The following TKT variants were observed in gnomAD, a reference collection of about 807,000 sequenced individuals.
TKT encodes epididymis luminal protein 107.
In TKT, 47 loss-of-function variants were observed where a neutral mutation model predicts 63.9. The observed-to-expected ratio is 0.74, with a 90% CI of 0.58 to 0.94. The LOEUF is 0.94. TKT is among the 40% of genes least tolerant of loss of function. The pLI is 0.00. For synonymous variants in TKT, 338 were observed against 334.1 expected (o/e 1.01, Z -0.13); for missense variants, 721 against 846.2 (o/e 0.85, Z 1.84).
Position 53,227,114 on chromosome 3 carries a change from C to G in TKT, c.1574-236G>C, listed in dbSNP as rs79574895. Reference sequence around the variant, plus strand: ...TGTGTTGCCCGCAGTATCCAAGAACCCAGAGCGGAGCGTGCAGGCCCTGAG... The same window carrying G: ...TGTGTTGCCCGCAGTATCCAAGAACGCAGAGCGGAGCGTGCAGGCCCTGAG... On this transcript the variant is annotated intron_variant, in intron 12 of 13. Transcript: ENST00000462138. 8.5e-3 allele frequency: 4,328 copies of G among 509,778 alleles called. 191 individuals are homozygous for G. The highest frequency in any genetic ancestry group is 0.082 in the South Asian group (3,359 of 41,130). 31.6% of individuals were successfully genotyped at this position (509,778 alleles called of 1,614,324 possible).
rs782551224 is a variant in TKT, at chr3:53,234,999, G to A, written c.613C>T (p.Arg205Trp). The change falls in exon 5 of 14, where the codon CGG becomes TGG. Residue 205 changes from arginine to tryptophan, a missense_variant. By Grantham distance (101) the Arg-to-Trp change is moderately radical. Transcript: ENST00000462138. Reference sequence around the variant, plus strand: ...CGTACATACCCGAAGGCCTCGCACCGCTTCTGGTAGATGTCCATCTGGTGC... The same window carrying A: ...CGTACATACCCGAAGGCCTCGCACCACTTCTGGTAGATGTCCATCTGGTGC... ...LQHQMDIYQKRCEAFGWHAII... is the reference protein window; with the variant it reads ...LQHQMDIYQKWCEAFGWHAII... The A allele has an allele frequency of 1.5e-5, 25 of 1,613,250 alleles. No homozygotes were observed. The highest frequency in any genetic ancestry group is 9.3e-5 in the African/African-American group (7 of 74,934).
intron 5 of TKT, chr3:53,234,342 G>A: frequency 6.5e-6 from 1 of 152,702 alleles, no homozygotes. Flanking sequence ...CACGGCACCT[G>A]CCCTGCTCCC....
Position 53,241,231 on chromosome 3 carries a change from G to A in TKT, c.240C>T (p.Pro80=). 1.2e-6 allele frequency: 2 copies of A among 1,601,900 alleles called. No homozygotes were observed. Among genetic ancestry groups the A allele is most frequent in the Non-Finnish European group, 1.7e-6 (2 of 1,175,714 alleles). Residue 80 remains proline (P), a synonymous_variant, in exon 3 of 14, where the codon CCC becomes CCT. Transcript: ENST00000462138. Reference sequence around the variant, plus strand: ...CTTCAGCCCAGACCGCGTAGAGGATGGGAGCTGCATGGCCCTGCCGGGAGA... The same window carrying A: ...CTTCAGCCCAGACCGCGTAGAGGATAGGAGCTGCATGGCCCTGCCGGGAGA... ...RFVLSKGHAA[P]ILYAVWAEAG...
Position 53,235,555 on chromosome 3 carries a change from T to C in TKT, c.438-381A>G, listed in dbSNP as rs370076048. The C allele has an allele frequency of 1.1e-4, 18 of 160,008 alleles. No homozygotes were observed. In the East Asian group the frequency reaches 2.5e-3, roughly 22 times the overall value. The allele number at this position is 160,008 out of a possible 1,614,324, so 9.9% of individuals were successfully genotyped here. A position where few individuals can be genotyped will look rare whatever the true frequency, so the allele number is the denominator to read the frequency against. On this transcript the variant is annotated intron_variant, in intron 4 of 13. Coordinates refer to ENST00000462138, the MANE Select transcript of TKT (RefSeq NM_001064.4). The stretch of plus-strand genomic sequence containing the variant: ...ACCTGCTGCAGGGGACAGACCCCGC[T>C]GTGAACCAGAGGTTGGAGGAGGCCT...
At chr3:53,228,976 C>T (rs781931191) in intron 10 of TKT, 31 bp downstream of exon 10, 1 of 1,612,546 alleles carries the variant, frequency 6.2e-7, no homozygotes, top group South Asian at 1.1e-5. Context: ...TGATGGCTGC[C>T]AGCAGGAGAA....
Position 53,249,770 on chromosome 3 carries a change from T to C in TKT, c.107+6066A>G, listed in dbSNP as rs945015421. Among the ~76,000 whole-genome samples, 4 of 152,088 alleles carry C rather than the reference T, an allele frequency of 2.6e-5. No individual in the cohort carries two copies. The East Asian group carries it at 5.8e-4, about 22-fold the overall frequency. On this transcript the variant is annotated intron_variant, in intron 1 of 13. Coordinates refer to ENST00000462138, the MANE Select transcript of TKT (RefSeq NM_001064.4). ...AGCTCCCAGCACATCCTCTCTCCCCTACCTTGCCTCTCCATTCAGGGCAGG... is the reference window on the plus strand; with the variant it reads ...AGCTCCCAGCACATCCTCTCTCCCCCACCTTGCCTCTCCATTCAGGGCAGG...
Position 53,230,606 on chromosome 3 carries a change from C to T in TKT, c.958G>A (p.Ala320Thr). ...KVGDKIATRKAYGQALAKLGH... is the reference protein window; with the variant it reads ...KVGDKIATRKTYGQALAKLGH... ...AGCTTGGCCAGTGCCTGCCCGTAGGCCTTGCGGGTGGCTATCTGTGAGGAA... is the reference window on the plus strand; with the variant it reads ...AGCTTGGCCAGTGCCTGCCCGTAGGTCTTGCGGGTGGCTATCTGTGAGGAA... Residue 320 changes from alanine to threonine, a missense_variant, in exon 8 of 14, where the codon GCC (alanine) becomes ACC (threonine). Transcript: ENST00000462138. 6.2e-7 allele frequency: 1 copy of T among 1,614,200 alleles called. No homozygotes were observed. Among genetic ancestry groups the T allele is most frequent in the Non-Finnish European group, 8.5e-7 (1 of 1,180,034 alleles).
chr3:53,252,605 G>C (rs782798347), intron 1 of TKT, among the ~76,000 whole-genome samples: 2 of 152,060 alleles, frequency 1.3e-5, no homozygotes, highest in East Asian at 1.9e-4. Context: ...TGTAACTCTC[G>C]GACACCACAG....
chr3:53,242,079 T>C (rs1553679993), intron 2 of TKT, 46 bp downstream of exon 2: 1 of 1,565,694 alleles, frequency 6.4e-7, no homozygotes, highest in East Asian at 2.2e-5. Context: ...CGTGTGACCC[T>C]AGTCCCAGGC....
intron 2 of TKT, among the ~76,000 whole-genome samples, chr3:53,241,671 G>C (rs546607346): frequency 5.9e-5 from 9 of 152,338 alleles, no homozygotes; most frequent in East Asian, 1.9e-4. Flanking sequence ...ACCCAGAAGG[G>C]GGGGGTCAGG....
At chr3:53,245,575 G>A (rs2106716157) in intron 1 of TKT, among the ~76,000 whole-genome samples, 1 of 152,160 alleles carries the variant, frequency 6.6e-6, no homozygotes, top group Admixed American at 6.5e-5. Context: ...CCTGAGGTCA[G>A]CGGCTCAAAG....
At position 53,233,293 on chromosome 3, in the gene TKT, G is replaced by A. The variant is rs373097417; in HGVS notation, c.630-19C>T. 3.4e-5 allele frequency: 54 copies of A among 1,594,736 alleles called. No individual in the cohort carries two copies. The highest frequency in any genetic ancestry group is 4.4e-5 in the Non-Finnish European group (51 of 1,168,196). ...ATGCCAACTGGGGACAGGGGGCAGAGAGTAAGGGGCAATTCCCAGGGGCCA... is the reference window on the plus strand; with the variant it reads ...ATGCCAACTGGGGACAGGGGGCAGAAAGTAAGGGGCAATTCCCAGGGGCCA... On this transcript the variant is annotated intron_variant, in intron 5 of 13. Coordinates refer to ENST00000462138, the MANE Select transcript of TKT (RefSeq NM_001064.4).
At chr3:53,240,159 A>G (rs1286538184) in intron 4 of TKT, 92 bp downstream of exon 4, 1 of 1,237,192 alleles carries the variant, frequency 8.1e-7, no homozygotes, top group Admixed American at 2.0e-5. Flanking sequence ...GCCAGGAAAG[A>G]GGAAGAGTCT....
chr3:53,241,936 C>T, intron 2 of TKT, 189 bp downstream of exon 2: 1 of 608,766 alleles, frequency 1.6e-6, no homozygotes. Context: ...TCAATTCAGT[C>T]CTGTATTCCT....
chr3:53,240,176 G>T, intron 4 of TKT, 75 bp downstream of exon 4: 10 of 1,402,254 alleles, frequency 7.1e-6, no homozygotes, highest in Non-Finnish European at 1.0e-5. Context: ...GTCTGGGGGC[G>T]ATGGTGAAGG....
intron 12 of TKT, chr3:53,227,828 T>G: frequency 4.2e-6 from 2 of 479,626 alleles, no homozygotes; most frequent in East Asian, 4.0e-5. Flanking sequence ...GACTTTAGAG[T>G]CATAGGGTAG....
Position 53,228,039 on chromosome 3 carries a change from A to G in TKT, c.1573+17T>C. 1 of 1,610,232 alleles carries G rather than the reference A, an allele frequency of 6.2e-7. No individual in the cohort carries two copies. Among genetic ancestry groups the G allele is most frequent in the Non-Finnish European group, 8.5e-7 (1 of 1,178,246 alleles). On this transcript the variant is annotated intron_variant, in intron 12 of 13. Coordinates refer to ENST00000462138, the MANE Select transcript of TKT (RefSeq NM_001064.4). ...GTGGCCGCTCAGTTGATGACTTTGG[A>G]GGCCCCTTCTCCTCACCTTTCTTCA...
At position 53,238,811 on chromosome 3, in the gene TKT, T is replaced by C. The variant is rs377255575; in HGVS notation, c.437+1440A>G. On this transcript the variant is annotated intron_variant, in intron 4 of 13. Coordinates refer to ENST00000462138, the MANE Select transcript of TKT (RefSeq NM_001064.4). ...TCCTCACCTGTAAGACGGGTCACGG[T>C]TCTCACACCACTACCCAACTCACAG... 2.0e-4 allele frequency among the ~76,000 whole-genome samples: 31 copies of C among 152,308 alleles called. No homozygotes were observed. In the South Asian group the frequency reaches 6.0e-3, roughly 30 times the overall value.
chr3:53,233,132 G>A (rs781885566), intron 6 of TKT, 24 bp downstream of exon 6: 7 of 1,600,428 alleles, frequency 4.4e-6, no homozygotes, highest in African/African-American at 1.3e-5. Context: ...GTGAAGGTGG[G>A]GAGGGCGGCT....
Sources: allele counts gnomAD v4.1 joint callset (sites outside exome capture counted in the v4.1 genomes callset), GRCh38; gene constraint gnomAD v4.1.1; transcripts MANE v1.5; gene names NCBI Gene and HGNC (gene_info 2026-07-23, HGNC 2026-07-21).